Variants in NRXN1 observed in about 807,000 individuals in gnomAD.
The protein encoded by NRXN1 is neurexin-1.
NRXN1 carries 39 observed loss-of-function variants against 150.9 expected under a neutral mutation model. That is an observed-to-expected ratio of 0.26 (90% CI 0.20 to 0.34). The LOEUF is 0.34. Among genes scored for constraint, NRXN1 ranks in the 10% least tolerant of loss-of-function variants. NRXN1 has a pLI of 1.00. For synonymous variants in NRXN1, 924 were observed against 757.0 expected (o/e 1.22, Z -3.62); for missense variants, 1,815 against 1,949.9 (o/e 0.93, Z 1.30).
intron 9 of NRXN1, chr2:50,547,381 T>A (rs2093518121): frequency 6.6e-6 from 1 of 152,156 alleles, no homozygotes; most frequent in African/African-American, 2.4e-5. Flanking sequence ...AGCCAGAGTT[T>A]AACACAAATT....
intron 4 of NRXN1, 103 bp from the exon 5 acceptor site, chr2:50,921,983 TA>T (rs1446440839): frequency 9.0e-6 from 5 of 554,750 alleles, no homozygotes; most frequent in Non-Finnish European, 1.5e-5. Context: ...GTAAAGCCAC[TA>T]CTCTCTGAAA....
At chr2:50,992,483 GA>G (rs777114745) in intron 2 of NRXN1, among the ~76,000 whole-genome samples, 80 of 151,608 alleles carry the variant, frequency 5.3e-4, no homozygotes, top group Non-Finnish European at 1.0e-3. Flanking sequence ...GTAGATCAGT[GA>G]ATTTGAGGGC....
intron 19 of NRXN1, among the ~76,000 whole-genome samples, chr2:50,068,336 T>A (rs1176011465): frequency 2.0e-5 from 3 of 152,190 alleles, no homozygotes; most frequent in Non-Finnish European, 4.4e-5. Context: ...AATAACCATT[T>A]TTTTCTTTTT....
chr2:50,107,233 G>A (rs1309758204), intron 18 of NRXN1, among the ~76,000 whole-genome samples: 2 of 144,454 alleles, frequency 1.4e-5, no homozygotes, highest in Non-Finnish European at 3.0e-5. Flanking sequence ...TTCTTTGGAA[G>A]GACATGCATT....
intron 5 of NRXN1, among the ~76,000 whole-genome samples, chr2:50,903,005 A>G (rs1245349441): frequency 6.6e-6 from 1 of 152,212 alleles, no homozygotes; most frequent in African/African-American, 2.4e-5. Context: ...GTATTTATGA[A>G]TAAAAGATGA....
At chr2:50,938,993 C>T (rs888812047) in intron 2 of NRXN1, among the ~76,000 whole-genome samples, 3 of 151,938 alleles carry the variant, frequency 2.0e-5, no homozygotes, top group African/African-American at 4.8e-5. Flanking sequence ...AGGAGGATCA[C>T]GAGGTCAGGA....
At chr2:50,132,515 CA>C (rs1025941671) in intron 18 of NRXN1, among the ~76,000 whole-genome samples, 1 of 151,942 alleles carries the variant, frequency 6.6e-6, no homozygotes, top group Non-Finnish European at 1.5e-5. Flanking sequence ...TCGTGTTAGC[CA>C]GGATGGTCTT....
chr2:50,723,800 C>T (rs1024506348), intron 5 of NRXN1, among the ~76,000 whole-genome samples: 1 of 152,114 alleles, frequency 6.6e-6, no homozygotes, highest in East Asian at 1.9e-4. Flanking sequence ...TCTGGAGAGG[C>T]CTCTGAATGA....
chr2:50,535,650 C>T (rs933784355), intron 10 of NRXN1, among the ~76,000 whole-genome samples: 3 of 152,182 alleles, frequency 2.0e-5, no homozygotes, highest in African/African-American at 7.2e-5. Flanking sequence ...CTAAATTTAA[C>T]TTTTATTCAT....
At chr2:50,285,716 T>C (rs955833776) in intron 17 of NRXN1, among the ~76,000 whole-genome samples, 1 of 152,158 alleles carries the variant, frequency 6.6e-6, no homozygotes, top group Non-Finnish European at 1.5e-5. Flanking sequence ...AGACAGCAGG[T>C]AGTAATTTAA....
chr2:50,101,632 T>C (rs1700989713), intron 18 of NRXN1, among the ~76,000 whole-genome samples: 1 of 152,064 alleles, frequency 6.6e-6, no homozygotes, highest in African/African-American at 2.4e-5. Context: ...CTTCGTATTT[T>C]AGAAAATCCT....
intron 17 of NRXN1, among the ~76,000 whole-genome samples, chr2:50,362,519 A>G (rs2079290500): frequency 6.6e-6 from 1 of 152,186 alleles, no homozygotes; most frequent in Non-Finnish European, 1.5e-5. Flanking sequence ...TAAAGTACCT[A>G]TGAATACAAC....
At chr2:50,515,924 C>A (rs1436733763) in intron 12 of NRXN1, among the ~76,000 whole-genome samples, 2 of 152,034 alleles carry the variant, frequency 1.3e-5, no homozygotes, top group Non-Finnish European at 2.9e-5. Context: ...AATTATGACA[C>A]CTTCAGCCTA....
chr2:50,050,832 A>C (rs953475200), intron 21 of NRXN1, among the ~76,000 whole-genome samples: 1 of 152,002 alleles, frequency 6.6e-6, no homozygotes, highest in Non-Finnish European at 1.5e-5. Context: ...ATTCATATAT[A>C]TATCTCACTA....
chr2:50,202,212 A>G (rs1323405394), intron 18 of NRXN1, among the ~76,000 whole-genome samples: 1 of 152,206 alleles, frequency 6.6e-6, no homozygotes, highest in Admixed American at 6.5e-5. Flanking sequence ...GAAGAATTAA[A>G]AAAGTAAGCT....
chr2:50,614,646 T>A lies in NRXN1; in HGVS notation c.1320+5376A>T, dbSNP rs762126929. Among the ~76,000 whole-genome samples the A allele has an allele frequency of 4.7e-4, 62 of 131,818 alleles. 1 individual carries two copies. The highest frequency in any genetic ancestry group is 3.1e-3 in the South Asian group (13 of 4,150). The allele number at this position is 131,818 out of a possible 152,430, so 86.5% of individuals were successfully genotyped here. A position where few individuals can be genotyped will look rare whatever the true frequency, so the allele number is the denominator to read the frequency against. ...GAACTTAAAGTATAATAAAAATATA[T>A]ATATATATATATAAAATAAAAAAAA... On this transcript the variant is annotated intron_variant, in intron 8 of 22. Coordinates refer to ENST00000401669, the MANE Select transcript of NRXN1 (RefSeq NM_001330078.2).
intron 2 of NRXN1, 62 bp from the exon 3 acceptor site, chr2:50,926,017 T>G: frequency 7.3e-7 from 1 of 1,377,824 alleles, no homozygotes. Flanking sequence ...GCATGCAGAC[T>G]GGACCTTGCC....
At chr2:50,295,292 C>G (rs1309406827) in intron 17 of NRXN1, among the ~76,000 whole-genome samples, 1 of 152,088 alleles carries the variant, frequency 6.6e-6, no homozygotes, top group African/African-American at 2.4e-5. Flanking sequence ...TTATAAGGAA[C>G]CAAGAGAGTT....
intron 8 of NRXN1, 63 bp from the exon 9 acceptor site, chr2:50,553,088 C>T (rs1667763853): frequency 1.7e-6 from 2 of 1,175,530 alleles, no homozygotes; most frequent in Non-Finnish European, 2.4e-6. Context: ...AACTTGTGAA[C>T]AGCTCATGTA....
Sources: gnomAD v4.1 joint callset for allele counts (sites outside exome capture counted in the v4.1 genomes callset) on GRCh38, gnomAD v4.1.1 for gene constraint, MANE v1.5 for transcripts, NCBI Gene and HGNC (gene_info 2026-07-23, HGNC 2026-07-21) for gene names.